MED16: variants seen among roughly 807,000 people sequenced by gnomAD.
MED16 encodes mediator complex subunit 16.
Under a neutral mutation model 84.4 loss-of-function variants are expected in MED16, and 81 were observed. The ratio of observed to expected loss-of-function variants is 0.96; its 90% CI spans 0.80 to 1.15. MED16 has a LOEUF of 1.15. Ranked by LOEUF, MED16 falls within the 50% of genes most tolerant of loss-of-function variation. The probability of loss-of-function intolerance (pLI) is 0.00; values close to 1 mark genes in which losing one functional copy is unlikely to be tolerated. For missense variants in MED16, 1,585 were observed against 1,245.9 expected (o/e 1.27, Z -4.10); for synonymous variants, 897 against 552.2 (o/e 1.62, Z -8.76).
At chr19:870,859 G>A (rs2036031873) in intron 13 of MED16, among the ~76,000 whole-genome samples, 178 bp downstream of exon 13, 2 of 143,920 alleles carry the variant, frequency 1.4e-5, no homozygotes, top group Non-Finnish European at 3.1e-5. Flanking sequence ...GACATGGAGG[G>A]AGGGAGCCGT....
intron 5 of MED16, among the ~76,000 whole-genome samples, chr19:885,436 G>A (rs2036505285): frequency 6.6e-6 from 1 of 152,110 alleles, no homozygotes; most frequent in African/African-American, 2.4e-5. Flanking sequence ...TCGGGACACT[G>A]AGACGGGAGA....
At chr19:888,483 C>T (rs971268017) in intron 4 of MED16, among the ~76,000 whole-genome samples, 8 of 146,756 alleles carry the variant, frequency 5.5e-5, no homozygotes, top group African/African-American at 2.0e-4. Context: ...AAGATCGCAT[C>T]ACTGCACTCC....
In MED16 at chr19:871,125, G is replaced by C; in HGVS notation, c.2227C>G (p.Gln743Glu). The change falls in exon 13 of 16, where the codon CAG becomes GAG. Residue 743 changes from glutamine (Q) to glutamate (E), a missense_variant. Transcript: ENST00000325464. ...PASDGLVSRL[Q>E]PKQPLRLQFG... ...TGCAGACGAAGGGGCTGCTTGGGCT[G>C]CAGGCGGCTAACCAGGCCGTCGCTG... 2 of 1,548,508 alleles carry C rather than the reference G, an allele frequency of 1.3e-6. No homozygotes were observed. The highest frequency in any genetic ancestry group is 3.9e-5 in the Admixed American group (2 of 50,978).
Position 871,286 on chromosome 19 carries a change from CCT to C in MED16, c.2099-35_2099-34del, listed in dbSNP as rs890143756. The C allele has an allele frequency of 5.5e-5, 84 of 1,515,354 alleles. No individual in the cohort carries two copies. The African/African-American group carries it at 7.0e-4, about 13-fold the overall frequency. The allele number at this position is 1,515,354 out of a possible 1,614,324, so 93.9% of individuals were successfully genotyped here. Reference sequence around the variant, plus strand: ...GAGAGGTGGCGGAAGTCTCAGCACCCCTGACTGGGGCACCGCCCGGCCACCCG... The same window carrying C: ...GAGAGGTGGCGGAAGTCTCAGCACCCGACTGGGGCACCGCCCGGCCACCCG... On this transcript the variant is annotated intron_variant, in intron 12 of 15. Transcript: ENST00000325464.
chr19:879,074 C>G (rs1361270707), intron 8 of MED16, among the ~76,000 whole-genome samples: 5 of 136,648 alleles, frequency 3.7e-5, no homozygotes, highest in African/African-American at 2.7e-5. Flanking sequence ...AGCCCCAGCC[C>G]CAGCCCCACG....
Position 871,198 on chromosome 19 carries a change from G to A in MED16, c.2154C>T (p.Cys718=), listed in dbSNP as rs528331323. ...EPDEALVDEC[C]LLPSQLLIPS... ...GGATAAGCAGCTGGCTGGGCAGCAG[G>A]CAGCATTCATCCACCAGCGCCTCGT... The change falls in exon 13 of 16, where the codon TGC becomes TGT. Residue 718 remains cysteine, a synonymous_variant. Coordinates refer to ENST00000325464, the MANE Select transcript of MED16 (RefSeq NM_005481.3). 96 of 1,550,566 alleles carry A rather than the reference G, an allele frequency of 6.2e-5. No individual in the cohort carries two copies. The highest frequency in any genetic ancestry group is 7.8e-5 in the Non-Finnish European group (90 of 1,146,872).
intron 8 of MED16, among the ~76,000 whole-genome samples, chr19:877,515 G>A (rs1174669168): frequency 3.8e-5 from 5 of 131,692 alleles, no homozygotes; most frequent in African/African-American, 1.6e-4. Flanking sequence ...TACGTGCTGT[G>A]AGCCACCCCA....
intron 6 of MED16, among the ~76,000 whole-genome samples, chr19:884,225 C>T (rs1284719936): frequency 3.3e-5 from 5 of 152,224 alleles, no homozygotes; most frequent in South Asian, 2.1e-4. Flanking sequence ...AAACCAGGCC[C>T]GCAGCCTCCG....
rs767402311 is a variant in MED16, at chr19:868,914, C to T, written c.2348G>A (p.Arg783Gln). The change falls in exon 14 of 16, where the codon CGG becomes CAG. Residue 783 changes from arginine (R) to glutamine (Q), a missense_variant. Arg to Gln is a conservative substitution (Grantham distance 43). Transcript: ENST00000325464. ...GGGGCAAGCGCCAAGGTGCAGCCTCCGCAGGTGGTCGATCTTGGGCTGGCC... is the reference window on the plus strand; with the variant it reads ...GGGGCAAGCGCCAAGGTGCAGCCTCTGCAGGTGGTCGATCTTGGGCTGGCC... ...APGQPKIDHL[R>Q]RLHLGACPTE... 2.2e-5 allele frequency: 34 copies of T among 1,549,926 alleles called. No individual in the cohort carries two copies. The Middle Eastern group carries it at 5.2e-4, about 24-fold the overall frequency.
Position 891,138 on chromosome 19 carries a change from A to G in MED16, c.-7T>C. On this transcript the variant is annotated 5_prime_UTR_variant, in exon 2 of 16. Coordinates refer to ENST00000325464, the MANE Select transcript of MED16 (RefSeq NM_005481.3). The stretch of plus-strand genomic sequence containing the variant: ...GCCGCCGCAAATCACACATGAGGGC[A>G]GTCACCAGCTCCTGCGGGAGGGAGG... 6.2e-7 allele frequency: 1 copy of G among 1,610,194 alleles called. No homozygotes were observed. Among genetic ancestry groups the G allele is most frequent in the Non-Finnish European group, 8.5e-7 (1 of 1,177,802 alleles).
At chr19:878,939 C>T (rs867512369) in intron 8 of MED16, among the ~76,000 whole-genome samples, 26 of 148,588 alleles carry the variant, frequency 1.7e-4, no homozygotes, top group African/African-American at 3.2e-4. Context: ...GCCCCGGCCC[C>T]GGCCCCGGCC....
At chr19:873,392 C>A in intron 11 of MED16, 57 bp downstream of exon 11, 1 of 1,561,380 alleles carries the variant, frequency 6.4e-7, no homozygotes. Context: ...GAAGCGGGGT[C>A]CTGATGAGAT....
intron 4 of MED16, 55 bp from the exon 5 acceptor site, chr19:886,256 C>T (rs995530599): frequency 6.3e-6 from 9 of 1,421,492 alleles, no homozygotes; most frequent in Non-Finnish European, 7.4e-6. Flanking sequence ...GGGGCTGCCC[C>T]ATGACCCCCA....
intron 8 of MED16, among the ~76,000 whole-genome samples, chr19:877,509 T>C (rs755992023): frequency 2.0e-5 from 3 of 146,640 alleles, no homozygotes; most frequent in Non-Finnish European, 4.5e-5. Flanking sequence ...TCCTAATACG[T>C]GCTGTGAGCC....
chr19:890,204 G>A lies in MED16; in HGVS notation c.210C>T (p.Pro70=), dbSNP rs139294457. The change falls in exon 3 of 16, where the codon CCC becomes CCT. Residue 70 remains proline (P), a synonymous_variant. Coordinates refer to ENST00000325464, the MANE Select transcript of MED16 (RefSeq NM_005481.3). ...RMIHILDTEH[P]WDLHSIPSEH... ...CTGAGGGGATCGAGTGCAGGTCCCAGGGGTGCTCCGTGTCCAGGATGTGGA... is the reference window on the plus strand; with the variant it reads ...CTGAGGGGATCGAGTGCAGGTCCCAAGGGTGCTCCGTGTCCAGGATGTGGA... 34 of 1,554,810 alleles carry A rather than the reference G, an allele frequency of 2.2e-5. 1 individual carries two copies. In the African/African-American group the frequency reaches 2.5e-4, roughly 11 times the overall value.
intron 6 of MED16, among the ~76,000 whole-genome samples, chr19:882,003 G>A (rs1044995780): frequency 4.6e-5 from 7 of 152,232 alleles, no homozygotes; most frequent in South Asian, 2.1e-4. Flanking sequence ...GTGGGGAGAC[G>A]GCGCCACCTC....
chr19:885,055 GCCACGCCA>G (rs1216671089), intron 5 of MED16, 47 bp from the exon 6 acceptor site: 1 of 1,448,044 alleles, frequency 6.9e-7, no homozygotes, highest in Admixed American at 1.9e-5. Flanking sequence ...TGCTGTGGTG[GCCACGCCA>G]CCACCGGAGC....
rs556597871 is a variant in MED16, at chr19:873,036, T to G, written c.1905+413A>C. 10 of 172,168 alleles carry G rather than the reference T, an allele frequency of 5.8e-5. No homozygotes were observed. In the South Asian group the frequency reaches 7.7e-4, roughly 13 times the overall value. 10.7% of individuals were successfully genotyped at this position (172,168 alleles called of 1,614,324 possible). A position where few individuals can be genotyped will look rare whatever the true frequency, so the allele number is the denominator to read the frequency against. On this transcript the variant is annotated intron_variant, in intron 11 of 15. Coordinates refer to ENST00000325464, the MANE Select transcript of MED16 (RefSeq NM_005481.3). ...TCCGAGGTGGGGCAGGGCTCCGAGG[T>G]GGGGCAGGGCTCCGAGGTGGGGCAG... is the stretch of plus-strand genomic sequence containing the variant.
intron 5 of MED16, 86 bp from the exon 6 acceptor site, chr19:885,094 G>A: frequency 1.0e-6 from 1 of 995,066 alleles, no homozygotes; most frequent in Non-Finnish European, 1.5e-6. Context: ...GGACCCTGGG[G>A]CCACGCACTG....
Sources: allele counts gnomAD v4.1 joint callset (sites outside exome capture counted in the v4.1 genomes callset), GRCh38; gene constraint gnomAD v4.1.1; transcripts MANE v1.5; gene names NCBI Gene and HGNC (gene_info 2026-07-23, HGNC 2026-07-21).